GAB2: variants seen among roughly 807,000 people sequenced by gnomAD.
GAB2 encodes the protein GRB2-associated-binding protein 2.
GAB2 carries 26 observed loss-of-function variants against 65.5 expected under a neutral mutation model. The ratio of observed to expected loss-of-function variants is 0.40; its 90% CI spans 0.29 to 0.55. The LOEUF (loss-of-function observed/expected upper bound fraction) is 0.55, where lower values mean the gene tolerates loss of function less well. Among genes scored for constraint, GAB2 ranks in the 20% least tolerant of loss-of-function variants. The pLI is 0.53. For synonymous variants in GAB2, 321 were observed against 329.6 expected (o/e 0.97, Z 0.28); for missense variants, 884 against 875.8 (o/e 1.01, Z -0.12).
intron 1 of GAB2, among the ~76,000 whole-genome samples, chr11:78,384,189 A>G (rs1460519451): frequency 6.6e-6 from 1 of 152,236 alleles, no homozygotes; most frequent in Non-Finnish European, 1.5e-5. Flanking sequence ...ACACAGGAGT[A>G]AAACTCTTCC....
intron 1 of GAB2, among the ~76,000 whole-genome samples, chr11:78,405,997 C>G (rs1433892638): frequency 6.6e-6 from 1 of 152,222 alleles, no homozygotes; most frequent in Non-Finnish European, 1.5e-5. Context: ...GCAGCAAAAA[C>G]TGACTGACAA....
At chr11:78,347,795 A>G (rs1565168699) in intron 1 of GAB2, among the ~76,000 whole-genome samples, 1 of 152,294 alleles carries the variant, frequency 6.6e-6, no homozygotes, top group South Asian at 2.1e-4. Context: ...TGTTCCTCAA[A>G]TGATACAATT....
At chr11:78,306,446 G>A (rs1198120985) in intron 1 of GAB2, among the ~76,000 whole-genome samples, 6 of 152,170 alleles carry the variant, frequency 3.9e-5, no homozygotes, top group Non-Finnish European at 8.8e-5. Flanking sequence ...TGCCCAGGCT[G>A]GTCGTGAACT....
intron 2 of GAB2, among the ~76,000 whole-genome samples, chr11:78,259,367 CAG>C (rs1278566815): frequency 6.6e-6 from 1 of 152,066 alleles, no homozygotes. Context: ...AGTTCTAGTG[CAG>C]AGAGGATGAC....
At chr11:78,324,991 C>A (rs889947290) in intron 1 of GAB2, among the ~76,000 whole-genome samples, 2 of 152,188 alleles carry the variant, frequency 1.3e-5, no homozygotes, top group African/African-American at 4.8e-5. Context: ...AGTCTGAAAT[C>A]AGTCATGGTG....
At chr11:78,240,409 T>G (rs1031599703) in intron 3 of GAB2, among the ~76,000 whole-genome samples, 2 of 152,052 alleles carry the variant, frequency 1.3e-5, no homozygotes, top group Non-Finnish European at 2.9e-5. Context: ...AAAAGAGCAG[T>G]GTCTGAGCTG....
At chr11:78,387,411 A>T (rs1196069600) in intron 1 of GAB2, among the ~76,000 whole-genome samples, 1 of 152,220 alleles carries the variant, frequency 6.6e-6, no homozygotes, top group African/African-American at 2.4e-5. Context: ...CTAACAAGCT[A>T]AACTGACCAT....
chr11:78,277,647 T>C (rs1403276230), intron 2 of GAB2, among the ~76,000 whole-genome samples: 1 of 152,224 alleles, frequency 6.6e-6, no homozygotes, highest in Non-Finnish European at 1.5e-5. Flanking sequence ...TGTGTACAGC[T>C]TTAGTAAACA....
rs1864267975 is a variant in GAB2, at chr11:78,218,722, C to CT, written c.*549_*550insA. 6.5e-6 allele frequency: 1 copy of CT among 153,296 alleles called. No individual in the cohort carries two copies. Among genetic ancestry groups the CT allele is most frequent in the Non-Finnish European group, 1.5e-5 (1 of 68,494 alleles). 9.5% of individuals were successfully genotyped at this position (153,296 alleles called of 1,614,324 possible). A position where few individuals can be genotyped will look rare whatever the true frequency, so the allele number is the denominator to read the frequency against. The stretch of plus-strand genomic sequence containing the variant: ...CAAGACCACTGCTGAGCCTCCGTCT[C>CT]CACCATCTCCTCTTTTAGTGGCCTT... On this transcript the variant is annotated 3_prime_UTR_variant, in exon 10 of 10. Transcript: ENST00000361507.
chr11:78,367,498 T>G (rs1159425795), intron 1 of GAB2, among the ~76,000 whole-genome samples: 1 of 152,236 alleles, frequency 6.6e-6, no homozygotes, highest in Non-Finnish European at 1.5e-5. Flanking sequence ...ATCTGGAAGC[T>G]GGACATTTTA....
At chr11:78,268,401 A>G (rs1478992818) in intron 2 of GAB2, among the ~76,000 whole-genome samples, 1 of 152,196 alleles carries the variant, frequency 6.6e-6, no homozygotes. Context: ...GTTTAATCGT[A>G]ATCAAGATCT....
At chr11:78,331,925 A>T (rs116720977) in intron 1 of GAB2, among the ~76,000 whole-genome samples, 1,870 of 152,234 alleles carry the variant, frequency 0.012, 32 homozygotes, top group African/African-American at 0.043. Context: ...GTCCATTGGG[A>T]AGGGGAAAAA....
intron 1 of GAB2, among the ~76,000 whole-genome samples, chr11:78,287,148 T>C (rs1184250116): frequency 1.3e-5 from 2 of 152,176 alleles, no homozygotes; most frequent in African/African-American, 4.8e-5. Context: ...TATCTTTCAA[T>C]GCAAAAAATA....
chr11:78,226,260 T>A (rs1309818242), intron 4 of GAB2, among the ~76,000 whole-genome samples: 3 of 152,226 alleles, frequency 2.0e-5, no homozygotes, highest in Non-Finnish European at 4.4e-5. Context: ...GCTAGCTCTG[T>A]TAGACAACTA....
intron 3 of GAB2, among the ~76,000 whole-genome samples, chr11:78,249,812 T>C (rs1433707528): frequency 1.9e-4 from 29 of 151,962 alleles, no homozygotes. Context: ...ATGTTATGGT[T>C]TTATAGCTAT....
chr11:78,369,250 G>A (rs569133028), intron 1 of GAB2, among the ~76,000 whole-genome samples: 5 of 152,066 alleles, frequency 3.3e-5, no homozygotes, highest in African/African-American at 1.2e-4. Context: ...CATTGCATTA[G>A]AAACTTGGTC....
chr11:78,302,653 T>A (rs1867061104), intron 1 of GAB2, among the ~76,000 whole-genome samples: 1 of 152,240 alleles, frequency 6.6e-6, no homozygotes, highest in South Asian at 2.1e-4. Context: ...GAACTACCAT[T>A]TGATCCAGCA....
In GAB2 at chr11:78,215,671, A is replaced by ATAAATCACATGACAGCCTGGATCTC. The variant is rs1198894023; in HGVS notation, c.*3576_*3600dup. Reference sequence around the variant, plus strand: ...CAACAAATACACAACACATGCCACCATAAATCACATGACAGCCTGGATCTC... The same window carrying ATAAATCACATGACAGCCTGGATCTC: ...CAACAAATACACAACACATGCCACCATAAATCACATGACAGCCTGGATCTCTAAATCACATGACAGCCTGGATCTC... On this transcript the variant is annotated 3_prime_UTR_variant, in exon 10 of 10. Transcript: ENST00000361507. 7 of 152,318 alleles carry ATAAATCACATGACAGCCTGGATCTC rather than the reference A, an allele frequency of 4.6e-5. No individual in the cohort carries two copies. The highest frequency in any genetic ancestry group is 1.7e-4 in the African/African-American group (7 of 41,464). 9.4% of individuals were successfully genotyped at this position (152,318 alleles called of 1,614,324 possible).
chr11:78,318,857 T>C (rs150573656), intron 1 of GAB2, among the ~76,000 whole-genome samples: 21 of 152,286 alleles, frequency 1.4e-4, no homozygotes, highest in African/African-American at 5.1e-4. Context: ...AAAAGGAGCA[T>C]CTGGATGCAG....
Sources: gnomAD v4.1 joint callset for allele counts (sites outside exome capture counted in the v4.1 genomes callset) on GRCh38, gnomAD v4.1.1 for gene constraint, MANE v1.5 for transcripts, NCBI Gene and HGNC (gene_info 2026-07-23, HGNC 2026-07-21) for gene names.